Variants in SORCS1 observed in about 807,000 individuals in gnomAD.
SORCS1 encodes the protein sortilin related VPS10 domain containing receptor 1.
A neutral mutation model predicts 146.1 loss-of-function variants in SORCS1; 60 were observed. That is an observed-to-expected ratio of 0.41 (90% CI 0.33 to 0.51). The LOEUF (loss-of-function observed/expected upper bound fraction) is 0.51. SORCS1 is among the 20% of genes least tolerant of loss of function. The pLI is 0.21. For synonymous variants in SORCS1, 637 were observed against 584.0 expected (o/e 1.09, Z -1.31); for missense variants, 1,352 against 1,487.6 (o/e 0.91, Z 1.50).
chr10:106,951,804 C>T (rs932859299), intron 2 of SORCS1, among the ~76,000 whole-genome samples: 2 of 152,202 alleles, frequency 1.3e-5, no homozygotes, highest in Non-Finnish European at 2.9e-5. Context: ...ATGTCTAAGA[C>T]TTGCCTGAGG....
chr10:106,593,870 A>G (rs1177533421), intron 24 of SORCS1, among the ~76,000 whole-genome samples: 2 of 152,202 alleles, frequency 1.3e-5, no homozygotes, highest in African/African-American at 4.8e-5. Context: ...TGGGTCCCCA[A>G]AATATACCTC....
chr10:106,831,876 AT>A (rs1367899402), intron 2 of SORCS1, among the ~76,000 whole-genome samples: 1 of 152,220 alleles, frequency 6.6e-6, no homozygotes, highest in Non-Finnish European at 1.5e-5. Context: ...AGAAAACAAA[AT>A]TAGAAAGAGC....
intron 1 of SORCS1, among the ~76,000 whole-genome samples, chr10:107,001,477 C>A (rs1051821212): frequency 4.6e-5 from 7 of 152,086 alleles, no homozygotes; most frequent in African/African-American, 1.7e-4. Flanking sequence ...GGGGTTCAAT[C>A]TGGGATAGGA....
chr10:106,602,247 T>C (rs908040924), intron 23 of SORCS1, among the ~76,000 whole-genome samples: 2 of 152,160 alleles, frequency 1.3e-5, no homozygotes, highest in African/African-American at 4.8e-5. Flanking sequence ...GTAGGATGAA[T>C]GCAAATCTTA....
chr10:107,021,762 CA>C (rs959852194), intron 1 of SORCS1, among the ~76,000 whole-genome samples: 4 of 152,060 alleles, frequency 2.6e-5, no homozygotes, highest in Non-Finnish European at 4.4e-5. Flanking sequence ...AATGAAATTT[CA>C]AACTTTTTCA....
At chr10:106,917,725 T>C (rs1292038207) in intron 2 of SORCS1, among the ~76,000 whole-genome samples, 1 of 152,240 alleles carries the variant, frequency 6.6e-6, no homozygotes, top group South Asian at 2.1e-4. Context: ...GATTAAGTGC[T>C]TAATTTAATC....
At chr10:107,148,877 G>C (rs1313394333) in intron 1 of SORCS1, among the ~76,000 whole-genome samples, 4 of 152,086 alleles carry the variant, frequency 2.6e-5, no homozygotes, top group African/African-American at 7.2e-5. Flanking sequence ...GGGCATATTT[G>C]GGATCTGCTG....
chr10:106,935,002 G>T (rs1953637625), intron 2 of SORCS1, among the ~76,000 whole-genome samples: 1 of 151,948 alleles, frequency 6.6e-6, no homozygotes, highest in Non-Finnish European at 1.5e-5. Context: ...TAAAATCTCA[G>T]ACTTCATCAC....
At chr10:107,166,482 G>A, upstream of SORCS1, among the ~76,000 whole-genome samples, 1 of 152,160 alleles carries the variant, frequency 6.6e-6, no homozygotes, top group African/African-American at 2.4e-5. Flanking sequence ...AGAGTGTCCT[G>A]TTTGTCGTTA....
intron 1 of SORCS1, among the ~76,000 whole-genome samples, chr10:107,021,793 A>C (rs1958159137): frequency 6.6e-6 from 1 of 152,186 alleles, no homozygotes; most frequent in Non-Finnish European, 1.5e-5. Flanking sequence ...TCAATTATTT[A>C]CATGGCTTCC....
intron 18 of SORCS1, among the ~76,000 whole-genome samples, chr10:106,651,231 T>C (rs1331450596): frequency 6.6e-6 from 1 of 152,188 alleles, no homozygotes; most frequent in Non-Finnish European, 1.5e-5. Context: ...CCTATGAGAA[T>C]CAAAATACTA....
chr10:106,938,671 A>G (rs962913704), intron 2 of SORCS1, among the ~76,000 whole-genome samples: 1 of 152,230 alleles, frequency 6.6e-6, no homozygotes, highest in Non-Finnish European at 1.5e-5. Flanking sequence ...TTTGAGTAAC[A>G]GTTTTGCGGT....
At chr10:107,081,416 A>C (rs938733165) in intron 1 of SORCS1, among the ~76,000 whole-genome samples, 1 of 152,226 alleles carries the variant, frequency 6.6e-6, no homozygotes, top group African/African-American at 2.4e-5. Flanking sequence ...GTCTATCACT[A>C]TACTAAACCA....
At chr10:107,136,226 C>T (rs1014553499) in intron 1 of SORCS1, among the ~76,000 whole-genome samples, 1 of 152,118 alleles carries the variant, frequency 6.6e-6, no homozygotes, top group Non-Finnish European at 1.5e-5. Flanking sequence ...ACGTTTTTCA[C>T]CAAAGACTTT....
intron 6 of SORCS1, among the ~76,000 whole-genome samples, chr10:106,726,185 C>CTTTTTTTTTT (rs1169402270): frequency 1.5e-5 from 1 of 66,300 alleles, no homozygotes; most frequent in Non-Finnish European, 2.8e-5. Context: ...CTTTCCCTCT[C>CTTTTTTTTTT]TTTTTTTTTT....
At chr10:107,114,056 T>C (rs1965867896) in intron 1 of SORCS1, among the ~76,000 whole-genome samples, 1 of 152,070 alleles carries the variant, frequency 6.6e-6, no homozygotes, top group Non-Finnish European at 1.5e-5. Flanking sequence ...AGGAAATAAA[T>C]AAATTCCTAG....
intron 2 of SORCS1, among the ~76,000 whole-genome samples, chr10:106,948,486 A>G (rs1049295610): frequency 6.6e-6 from 1 of 151,986 alleles, no homozygotes; most frequent in African/African-American, 2.4e-5. Context: ...CAGTCTGGGC[A>G]ACAAGGTGAG....
At chr10:106,817,120 A>C (rs1391372413) in intron 3 of SORCS1, among the ~76,000 whole-genome samples, 2 of 152,250 alleles carry the variant, frequency 1.3e-5, no homozygotes, top group Admixed American at 6.5e-5. Flanking sequence ...GAGATTCAAA[A>C]GAAAACAGAC....
At chr10:106,650,133 C>A (rs543024632) in intron 18 of SORCS1, among the ~76,000 whole-genome samples, 2 of 152,134 alleles carry the variant, frequency 1.3e-5, no homozygotes, top group Non-Finnish European at 2.9e-5. Flanking sequence ...AAATGCCCAA[C>A]ATTTTATATG....
Sources: allele counts gnomAD v4.1 joint callset (sites outside exome capture counted in the v4.1 genomes callset), GRCh38; gene constraint gnomAD v4.1.1; transcripts MANE v1.5; gene names NCBI Gene and HGNC (gene_info 2026-07-23, HGNC 2026-07-21).